The following GRM8 variants were observed in gnomAD, a reference collection of about 807,000 sequenced individuals.
GRM8 encodes the protein glutamate metabotropic receptor 8, also known as metabotropic glutamate receptor 8.
In GRM8, 47 loss-of-function variants were observed where a neutral mutation model predicts 87.2. The ratio of observed to expected loss-of-function variants is 0.54; its 90% confidence interval spans 0.43 to 0.69. The LOEUF is 0.69. GRM8 is among the 30% of genes least tolerant of loss of function. The pLI is 0.00. For missense variants in GRM8, 1,019 were observed against 1,139.2 expected, an observed-to-expected ratio of 0.89 and a Z score of 1.52; for synonymous variants, 396 against 404.5, an observed-to-expected ratio of 0.98 and a Z score of 0.25.
intron 2 of GRM8, among the ~76,000 whole-genome samples, chr7:127,145,345 T>C (rs1254816031): frequency 1.3e-5 from 2 of 152,148 alleles, no homozygotes; most frequent in Non-Finnish European, 2.9e-5. Flanking sequence ...CTCTTTATTA[T>C]GTAGGAAGCA....
At chr7:126,991,047 C>A (rs1812611509) in intron 3 of GRM8, among the ~76,000 whole-genome samples, 1 of 151,888 alleles carries the variant, frequency 6.6e-6, no homozygotes, top group Admixed American at 6.6e-5. Flanking sequence ...TTAGGTAGTA[C>A]AAATATTAAC....
At chr7:127,168,854 G>C (rs888826282) in intron 2 of GRM8, among the ~76,000 whole-genome samples, 1 of 151,960 alleles carries the variant, frequency 6.6e-6, no homozygotes, top group East Asian at 1.9e-4. Flanking sequence ...GGGGCCTGTC[G>C]GGTGGGGGCT....
chr7:126,932,419 A>G (rs995269682), intron 3 of GRM8, among the ~76,000 whole-genome samples: 1 of 152,214 alleles, frequency 6.6e-6, no homozygotes, highest in Non-Finnish European at 1.5e-5. Flanking sequence ...TACACAAAAA[A>G]AATCACAGAC....
intron 7 of GRM8, among the ~76,000 whole-genome samples, chr7:126,657,084 T>C (rs4236624): frequency 0.56 from 85,199 of 152,102 alleles, 25,843 homozygotes; most frequent in African/African-American, 0.79. Context: ...ATCCATGAGG[T>C]ACTGTCTTCA....
chr7:127,117,531 T>G (rs1826769199), intron 2 of GRM8, among the ~76,000 whole-genome samples: 1 of 152,158 alleles, frequency 6.6e-6, no homozygotes, highest in Non-Finnish European at 1.5e-5. Flanking sequence ...AAAAGAAAAA[T>G]TAGGGGAAGT....
At chr7:127,195,291 T>C (rs960553064) in intron 2 of GRM8, among the ~76,000 whole-genome samples, 4 of 152,188 alleles carry the variant, frequency 2.6e-5, no homozygotes, top group African/African-American at 9.7e-5. Flanking sequence ...TTATATGTAG[T>C]TTTCTTTATG....
Position 126,769,945 on chromosome 7 carries a change from C to T in GRM8, c.1277G>A (p.Gly426Glu). The change falls in exon 7 of 11, where the codon GGA (glycine) becomes GAA (glutamate). Residue 426 changes from glycine (G) to glutamate (E), a missense_variant. Physicochemically the swap from Gly to Glu is moderately conservative, Grantham distance 98 (BLOSUM62 -2). Transcript: ENST00000339582. Reference protein sequence around the residue: ...LHNMHKDLCPGYIGLCPRMST... With the variant: ...LHNMHKDLCPEYIGLCPRMST... ...CATTCGTGGACAAAGGCCAATGTATCCAGGGCAGAGATCTTTGTGCATATT... is the reference window on the plus strand; with the variant it reads ...CATTCGTGGACAAAGGCCAATGTATTCAGGGCAGAGATCTTTGTGCATATT... The T allele has an allele frequency of 6.2e-7, 1 of 1,612,754 alleles. No individual in the cohort carries two copies. The highest frequency in any genetic ancestry group is 8.5e-7 in the Non-Finnish European group (1 of 1,178,982).
At chr7:127,093,984 C>T (rs1361603463) in intron 3 of GRM8, among the ~76,000 whole-genome samples, 1 of 152,142 alleles carries the variant, frequency 6.6e-6, no homozygotes, top group Non-Finnish European at 1.5e-5. Flanking sequence ...ATTATGAAGC[C>T]ATTTATTTTC....
rs563566109 is a variant in GRM8 at position 127,178,442 on chromosome 7, A to C, written c.510+64253T>G. Among the ~76,000 whole-genome samples, 11 of 151,200 alleles carry C rather than the reference A, an allele frequency of 7.3e-5. No homozygotes were observed. In the South Asian group the frequency reaches 2.3e-3, roughly 32 times the overall value. ...GAAAACATATTTGGGGGAATAATCG[A>C]GGAAAATTTCCTTGGCCTTGCTAGA... is the stretch of plus-strand genomic sequence containing the variant. On this transcript the variant is annotated intron_variant, in intron 2 of 10. Transcript: ENST00000339582.
chr7:127,235,082 A>G (rs78719521), intron 2 of GRM8, among the ~76,000 whole-genome samples: 1 of 152,344 alleles, frequency 6.6e-6, no homozygotes, highest in East Asian at 1.9e-4. Context: ...ACCAAAATAT[A>G]TAACATCCAG....
chr7:126,699,008 G>C (rs1447562373), intron 7 of GRM8, among the ~76,000 whole-genome samples: 1 of 152,170 alleles, frequency 6.6e-6, no homozygotes, highest in Non-Finnish European at 1.5e-5. Flanking sequence ...GGTGAAAGAA[G>C]CTGTTAGATA....
intron 2 of GRM8, among the ~76,000 whole-genome samples, chr7:127,169,642 G>T (rs768812230): frequency 5.9e-5 from 9 of 152,294 alleles, no homozygotes; most frequent in Admixed American, 2.0e-4. Flanking sequence ...CTCAATGCTT[G>T]GCTTCAAAGT....
intron 2 of GRM8, among the ~76,000 whole-genome samples, chr7:127,217,828 A>C (rs2116687146): frequency 6.6e-6 from 1 of 152,360 alleles, no homozygotes; most frequent in Middle Eastern, 3.4e-3. Context: ...ACAGAATATC[A>C]GTGTTCCACT....
chr7:126,811,306 C>A (rs1174223590), intron 6 of GRM8, among the ~76,000 whole-genome samples: 3 of 151,594 alleles, frequency 2.0e-5, no homozygotes, highest in Non-Finnish European at 4.4e-5. Flanking sequence ...TAATGTGATA[C>A]CTCCTGCTTT....
chr7:127,182,559 G>C (rs1370478700), intron 2 of GRM8, among the ~76,000 whole-genome samples: 1 of 151,282 alleles, frequency 6.6e-6, no homozygotes, highest in Non-Finnish European at 1.5e-5. Flanking sequence ...GTTTATAATG[G>C]CACAATCCAC....
chr7:126,890,488 C>T (rs1279183288), intron 6 of GRM8, among the ~76,000 whole-genome samples: 1 of 152,096 alleles, frequency 6.6e-6, no homozygotes, highest in Non-Finnish European at 1.5e-5. Flanking sequence ...CTCTTTCCAT[C>T]TGTCACCTTT....
At chr7:126,868,436 C>G (rs1022907660) in intron 6 of GRM8, among the ~76,000 whole-genome samples, 4 of 152,120 alleles carry the variant, frequency 2.6e-5, no homozygotes, top group Admixed American at 2.6e-4. Context: ...TGAGCTGAGA[C>G]TACAAAAGTT....
At chr7:126,963,516 C>T (rs1328708656) in intron 3 of GRM8, among the ~76,000 whole-genome samples, 1 of 152,096 alleles carries the variant, frequency 6.6e-6, no homozygotes, top group Non-Finnish European at 1.5e-5. Flanking sequence ...ACAAGCATTC[C>T]TATATACCAG....
intron 9 of GRM8, among the ~76,000 whole-genome samples, chr7:126,458,744 C>T (rs558534283): frequency 1.3e-5 from 2 of 151,142 alleles, no homozygotes; most frequent in African/African-American, 2.4e-5. Flanking sequence ...TATATCCTTT[C>T]ACCTAAAAAG....
Sources: gnomAD v4.1 joint callset for allele counts (sites outside exome capture counted in the v4.1 genomes callset) on GRCh38, gnomAD v4.1.1 for gene constraint, MANE v1.5 for transcripts, NCBI Gene and HGNC (gene_info 2026-07-23, HGNC 2026-07-21) for gene names.